The following ANKRD11 variants were observed in gnomAD, a reference collection of about 807,000 sequenced individuals.
ANKRD11 encodes ankyrin repeat domain 11, also known as ankyrin repeat domain-containing protein 11.
A neutral mutation model predicts 195.7 loss-of-function variants in ANKRD11; 17 were observed. The ratio of observed to expected loss-of-function variants is 0.09; its 90% CI spans 0.06 to 0.13. The LOEUF (loss-of-function observed/expected upper bound fraction) is 0.13, where lower values mean the gene tolerates loss of function less well. ANKRD11 is among the 10% of genes least tolerant of loss of function. The pLI, the probability that ANKRD11 is intolerant of heterozygous loss-of-function variation, is 1.00. For synonymous variants in ANKRD11, 1,953 were observed against 1,528.1 expected, an observed-to-expected ratio of 1.28 and a Z score of -6.49; for missense variants, 3,735 against 3,566.1, an observed-to-expected ratio of 1.05 and a Z score of -1.21.
intron 10 of ANKRD11, 24 bp from the exon 11 acceptor site, chr16:89,274,981 G>C: frequency 1.2e-6 from 2 of 1,612,878 alleles, no homozygotes; most frequent in Non-Finnish European, 1.7e-6. Context: ...GGAGTAGAGT[G>C]AGCTGGGACA....
At chr16:89,303,904 G>C (rs2151862998) in intron 4 of ANKRD11, among the ~76,000 whole-genome samples, 1 of 152,256 alleles carries the variant, frequency 6.6e-6, no homozygotes, top group Non-Finnish European at 1.5e-5. Flanking sequence ...TCCCCCATCT[G>C]CTCTCAAGCC....
intron 2 of ANKRD11, among the ~76,000 whole-genome samples, chr16:89,318,790 T>C (rs2037121374): frequency 1.3e-5 from 2 of 152,226 alleles, no homozygotes; most frequent in Admixed American, 6.5e-5. Flanking sequence ...GAAGTTATTC[T>C]GGAGAGAGGG....
At chr16:89,347,121 C>G (rs573608552) in intron 2 of ANKRD11, among the ~76,000 whole-genome samples, 1 of 152,060 alleles carries the variant, frequency 6.6e-6, no homozygotes, top group Admixed American at 6.5e-5. Context: ...AGGTGTCTCT[C>G]GTTGGTCCGG....
At chr16:89,382,850 C>A (rs775815522) in intron 2 of ANKRD11, among the ~76,000 whole-genome samples, 5 of 151,926 alleles carry the variant, frequency 3.3e-5, no homozygotes, top group Non-Finnish European at 7.4e-5. Flanking sequence ...TTTGTTTGCC[C>A]ATTTTTTGAG....
At chr16:89,289,191 C>T (rs757430037) in intron 6 of ANKRD11, among the ~76,000 whole-genome samples, 4 of 152,146 alleles carry the variant, frequency 2.6e-5, no homozygotes, top group Non-Finnish European at 1.5e-5. Context: ...AGTCCACCAT[C>T]GGACGGTGTG....
Position 89,424,815 on chromosome 16 carries a change from G to T in ANKRD11, c.-144-6447C>A, listed in dbSNP as rs534723568. Among the ~76,000 whole-genome samples the T allele has an allele frequency of 2.0e-5, 3 of 152,270 alleles. No homozygotes were observed. In the East Asian group the frequency reaches 5.8e-4, roughly 29 times the overall value. ...TGCGATTATGGAACTATTCAGCACC[G>T]CAACACGGCAGGGACGGGGGCCCCC... On this transcript the variant is annotated intron_variant, in intron 1 of 12. Transcript: ENST00000301030.
chr16:89,432,734 C>A (rs1425397288), intron 1 of ANKRD11, among the ~76,000 whole-genome samples: 1 of 152,014 alleles, frequency 6.6e-6, no homozygotes, highest in Non-Finnish European at 1.5e-5. Context: ...ATCTTGAGCC[C>A]AGGAGTTCAA....
Position 89,280,512 on chromosome 16 carries a change from G to C in ANKRD11, c.6030C>G (p.Ala2010=), listed in dbSNP as rs563584451. Residue 2010 remains alanine, a synonymous_variant, in exon 9 of 13, where the codon GCC becomes GCG. Transcript: ENST00000301030. ...LHSAAPGPFS[A]SEAPYPAPPA... ...GAGGGGCGGGGTACGGCGCCTCCGAGGCGCTGAAGGGCCCTGGGGCGGCAG... is the reference window on the plus strand; with the variant it reads ...GAGGGGCGGGGTACGGCGCCTCCGACGCGCTGAAGGGCCCTGGGGCGGCAG... 10 of 1,608,634 alleles carry C rather than the reference G, an allele frequency of 6.2e-6. No individual in the cohort carries two copies. In the East Asian group the frequency reaches 2.0e-4, roughly 32 times the overall value.
intron 9 of ANKRD11, 129 bp downstream of exon 9, chr16:89,278,943 A>C (rs1797862444): frequency 2.8e-6 from 4 of 1,413,476 alleles, no homozygotes; most frequent in Non-Finnish European, 2.0e-6. Context: ...GTGTCTCCTC[A>C]GGTGGCAGAA....
intron 9 of ANKRD11, among the ~76,000 whole-genome samples, chr16:89,276,327 C>T (rs934599587): frequency 6.6e-6 from 1 of 152,204 alleles, no homozygotes; most frequent in Non-Finnish European, 1.5e-5. Flanking sequence ...AGACGAGAGC[C>T]GTGGACAGCG....
In ANKRD11 at chr16:89,449,814, T is replaced by C. The variant is rs551412765; in HGVS notation, c.-144-31446A>G. Among the ~76,000 whole-genome samples the C allele has an allele frequency of 3.3e-5, 5 of 152,086 alleles. No homozygotes were observed. The South Asian group carries it at 8.3e-4, about 25-fold the overall frequency. On this transcript the variant is annotated intron_variant, in intron 1 of 12. Transcript: ENST00000301030. ...ATCTCAAAAAAAAGAAAAGTGTGCA[T>C]ACCAACCTGGTGAGCTAGGTAAGGT...
At chr16:89,375,901 G>C (rs2040404352) in intron 2 of ANKRD11, among the ~76,000 whole-genome samples, 1 of 151,610 alleles carries the variant, frequency 6.6e-6, no homozygotes, top group African/African-American at 2.4e-5. Flanking sequence ...GTGCTCCCAA[G>C]AAGCAGAGCT....
intron 2 of ANKRD11, among the ~76,000 whole-genome samples, chr16:89,349,412 G>A (rs1402106172): frequency 1.3e-5 from 2 of 151,920 alleles, no homozygotes; most frequent in Admixed American, 6.6e-5. Context: ...CCCGGGAGGC[G>A]GAGCTTACAG....
intron 2 of ANKRD11, chr16:89,323,262 C>G (rs1339783570): frequency 7.8e-7 from 1 of 1,275,890 alleles, no homozygotes; most frequent in East Asian, 5.6e-5. Flanking sequence ...GAGCTGCATA[C>G]CTGGCAGGCC....
In ANKRD11 at chr16:89,389,477, T is replaced by C. The variant is rs138447071; in HGVS notation, c.-60+28807A>G. Among the ~76,000 whole-genome samples the C allele has an allele frequency of 2.8e-3, 420 of 152,100 alleles. 2 individuals are homozygous for C. Among genetic ancestry groups the C allele is most frequent in the African/African-American group, 9.5e-3 (393 of 41,484 alleles). ...TGACACAGAAGGCAAAATTAGTAGATGGAGACATGAAATCGTGTAACTCAG... is the reference window on the plus strand; with the variant it reads ...TGACACAGAAGGCAAAATTAGTAGACGGAGACATGAAATCGTGTAACTCAG... On this transcript the variant is annotated intron_variant, in intron 2 of 12. Coordinates refer to ENST00000301030, the MANE Select transcript of ANKRD11 (RefSeq NM_013275.6).
chr16:89,309,993 A>G (rs551927483), intron 3 of ANKRD11, among the ~76,000 whole-genome samples: 50 of 152,360 alleles, frequency 3.3e-4, no homozygotes, highest in African/African-American at 1.1e-3. Flanking sequence ...TCCCTATCAC[A>G]TCACGACTTC....
At chr16:89,386,355 C>T (rs1037555894) in intron 2 of ANKRD11, among the ~76,000 whole-genome samples, 3 of 152,126 alleles carry the variant, frequency 2.0e-5, no homozygotes, top group African/African-American at 4.8e-5. Context: ...CAATTCCCAA[C>T]GTTACTCGTG....
intron 1 of ANKRD11, among the ~76,000 whole-genome samples, chr16:89,423,063 C>T (rs2042577584): frequency 6.6e-6 from 1 of 152,198 alleles, no homozygotes; most frequent in Non-Finnish European, 1.5e-5. Context: ...CACCGCTGCT[C>T]CTTCAGACAA....
At chr16:89,470,918 G>C (rs2057062191) in intron 1 of ANKRD11, among the ~76,000 whole-genome samples, 1 of 152,134 alleles carries the variant, frequency 6.6e-6, no homozygotes, top group Admixed American at 6.5e-5. Flanking sequence ...GTGTGAACCT[G>C]GGAGGCGGAG....
Sources: gnomAD v4.1 joint callset for allele counts (sites outside exome capture counted in the v4.1 genomes callset) on GRCh38, gnomAD v4.1.1 for gene constraint, MANE v1.5 for transcripts, NCBI Gene and HGNC (gene_info 2026-07-23, HGNC 2026-07-21) for gene names.